SULT4A1: variants seen among roughly 807,000 people sequenced by gnomAD.
The protein encoded by SULT4A1 is sulfotransferase 4A1.
Under a neutral mutation model 35.2 loss-of-function variants are expected in SULT4A1, and 11 were observed. The ratio of observed to expected loss-of-function variants is 0.31; its 90% CI spans 0.20 to 0.52. SULT4A1 has a LOEUF of 0.52. SULT4A1 is among the 20% of genes least tolerant of loss of function. The pLI is 0.97. For synonymous variants in SULT4A1, 152 were observed against 151.8 expected, an observed-to-expected ratio of 1.00 and a Z score of -0.01; for missense variants, 271 against 383.7, an observed-to-expected ratio of 0.71 and a Z score of 2.45.
At chr22:43,852,707 G>A (rs2049355689) in intron 1 of SULT4A1, among the ~76,000 whole-genome samples, 1 of 151,578 alleles carries the variant, frequency 6.6e-6, no homozygotes, top group African/African-American at 2.4e-5. Flanking sequence ...CAATGCCCTC[G>A]ACACAGAGCA....
At chr22:43,827,755 C>CCACACACACACACA (rs3223292) in intron 6 of SULT4A1, 60 of 327,654 alleles carry the variant, frequency 1.8e-4, no homozygotes, top group Middle Eastern at 1.1e-3. Flanking sequence ...CGCTGCTTCA[C>CCACACACACACACA]CACACACACA....
intron 1 of SULT4A1, among the ~76,000 whole-genome samples, chr22:43,842,841 G>A (rs536199520): frequency 1.1e-4 from 17 of 152,300 alleles, no homozygotes; most frequent in Non-Finnish European, 1.6e-4. Flanking sequence ...GAATTACATG[G>A]AAGCATGCTA....
intron 6 of SULT4A1, chr22:43,826,646 T>C (rs1389442955): frequency 1.0e-6 from 1 of 985,270 alleles, no homozygotes; most frequent in Non-Finnish European, 1.2e-6. Flanking sequence ...TCATTCAAAG[T>C]GCAGAAAATT....
chr22:43,837,056 G>T (rs1049734404), intron 4 of SULT4A1, among the ~76,000 whole-genome samples: 1 of 152,278 alleles, frequency 6.6e-6, no homozygotes, highest in African/African-American at 2.4e-5. Flanking sequence ...GCCCTGTGCT[G>T]TGGCCTCTGA....
At chr22:43,835,842 C>G (rs1358890415) in intron 4 of SULT4A1, among the ~76,000 whole-genome samples, 1 of 152,182 alleles carries the variant, frequency 6.6e-6, no homozygotes, top group African/African-American at 2.4e-5. Context: ...AAGGACTGCA[C>G]GTGTGGTCCT....
At chr22:43,833,337 C>T (rs1209461792) in intron 5 of SULT4A1, among the ~76,000 whole-genome samples, 1 of 152,138 alleles carries the variant, frequency 6.6e-6, no homozygotes, top group Non-Finnish European at 1.5e-5. Flanking sequence ...TCCCATCAAC[C>T]ACCACTGTAA....
intron 5 of SULT4A1, among the ~76,000 whole-genome samples, chr22:43,830,624 G>A (rs1569502777): frequency 6.6e-6 from 1 of 152,236 alleles, no homozygotes; most frequent in Non-Finnish European, 1.5e-5. Flanking sequence ...CTCCACATGG[G>A]CAGGTACTAG....
At chr22:43,847,768 T>G (rs367978982) in intron 1 of SULT4A1, among the ~76,000 whole-genome samples, 1 of 152,350 alleles carries the variant, frequency 6.6e-6, no homozygotes, top group East Asian at 1.9e-4. Context: ...CACAGAGCCC[T>G]GGACACTGTC....
chr22:43,843,746 C>T (rs1569504034), intron 1 of SULT4A1, among the ~76,000 whole-genome samples: 2 of 152,242 alleles, frequency 1.3e-5, no homozygotes, highest in Admixed American at 1.3e-4. Context: ...CCTCCACAGA[C>T]GTCTCTTCCT....
chr22:43,842,080 C>T lies in SULT4A1; in HGVS notation c.170-148G>A, dbSNP rs1250121096. ...TGAGTCTGGGAAGAGGAGCGCGCCC[C>T]GCACGGTCTCAGCCTGAATCCCCCG... is the stretch of plus-strand genomic sequence containing the variant. On this transcript the variant is annotated intron_variant, in intron 1 of 6. Coordinates refer to ENST00000330884, the MANE Select transcript of SULT4A1 (RefSeq NM_014351.4). The T allele has an allele frequency of 1.2e-5, 16 of 1,290,574 alleles. 1 individual carries two copies. Among genetic ancestry groups the T allele is most frequent in the Non-Finnish European group, 1.3e-5 (13 of 967,104 alleles). 79.9% of individuals were successfully genotyped at this position (1,290,574 alleles called of 1,614,324 possible). A position where few individuals can be genotyped will look rare whatever the true frequency, so the allele number is the denominator to read the frequency against.
intron 2 of SULT4A1, 127 bp from the exon 3 acceptor site, chr22:43,840,152 A>C (rs2063413396): frequency 3.2e-6 from 2 of 628,988 alleles, no homozygotes; most frequent in African/African-American, 3.9e-5. Context: ...GAGTTATCAG[A>C]GGGAACGGCG....
intron 5 of SULT4A1, 28 bp downstream of exon 5, chr22:43,833,612 G>T (rs138069): frequency 1.7e-5 from 26 of 1,571,214 alleles, no homozygotes; most frequent in African/African-American, 4.0e-5. Context: ...CAGGGCACCC[G>T]GAGGACAGCT....
intron 5 of SULT4A1, among the ~76,000 whole-genome samples, chr22:43,831,320 G>C (rs914413651): frequency 9.5e-6 from 1 of 105,220 alleles, no homozygotes; most frequent in Admixed American, 1.2e-4. Context: ...TGGGCAGCTG[G>C]CCAGCTGGGC....
chr22:43,827,597 T>C, intron 6 of SULT4A1: 1 of 1,366,460 alleles, frequency 7.3e-7, no homozygotes, highest in Non-Finnish European at 9.8e-7. Context: ...CGGCCCTGCA[T>C]TCTCACCAAC....
intron 1 of SULT4A1, among the ~76,000 whole-genome samples, chr22:43,843,836 G>A (rs550851964): frequency 9.2e-5 from 14 of 152,338 alleles, no homozygotes; most frequent in African/African-American, 2.6e-4. Flanking sequence ...TCTGTGAGCC[G>A]CTCTGGCAAA....
At chr22:43,840,121 G>A in intron 2 of SULT4A1, 96 bp from the exon 3 acceptor site, 1 of 894,096 alleles carries the variant, frequency 1.1e-6, no homozygotes. Flanking sequence ...AGGAAGGAAG[G>A]GGTGGGGTTC....
At chr22:43,831,612 G>A (rs1002842383) in intron 5 of SULT4A1, among the ~76,000 whole-genome samples, 2 of 152,232 alleles carry the variant, frequency 1.3e-5, no homozygotes, top group African/African-American at 4.8e-5. Flanking sequence ...GTGCTGCAAC[G>A]GAGCACCGAC....
intron 1 of SULT4A1, among the ~76,000 whole-genome samples, chr22:43,844,346 C>T (rs989149869): frequency 3.3e-5 from 5 of 152,122 alleles, no homozygotes; most frequent in East Asian, 1.9e-4. Context: ...GAGAGGCCTG[C>T]GGGGGAGCTC....
intron 4 of SULT4A1, among the ~76,000 whole-genome samples, chr22:43,835,491 A>C (rs936573304): frequency 6.6e-6 from 1 of 152,134 alleles, no homozygotes; most frequent in Non-Finnish European, 1.5e-5. Context: ...CCCACGGAGG[A>C]GCTGCACCCA....
Sources: gnomAD v4.1 joint callset for allele counts (sites outside exome capture counted in the v4.1 genomes callset) on GRCh38, gnomAD v4.1.1 for gene constraint, MANE v1.5 for transcripts, NCBI Gene and HGNC (gene_info 2026-07-23, HGNC 2026-07-21) for gene names.